TAOK1: variants seen among roughly 807,000 people sequenced by gnomAD.
TAOK1 encodes the protein serine/threonine-protein kinase TAO1.
A neutral mutation model predicts 138.3 loss-of-function variants in TAOK1; 21 were observed. The observed-to-expected ratio is 0.15, with a 90% CI of 0.11 to 0.22. TAOK1 has a LOEUF of 0.22. TAOK1 is among the 10% of genes least tolerant of loss of function. The pLI is 1.00. For synonymous variants in TAOK1, 361 were observed against 398.4 expected (o/e 0.91, Z 1.12); for missense variants, 651 against 1,227.7 (o/e 0.53, Z 7.02).
At chr17:29,406,047 A>G (rs1904981969) in intron 1 of TAOK1, among the ~76,000 whole-genome samples, 1 of 152,192 alleles carries the variant, frequency 6.6e-6, no homozygotes, top group East Asian at 1.9e-4. Flanking sequence ...GCTTGCAAGT[A>G]AATACATACA....
rs141034036 is a variant in TAOK1, at chr17:29,398,672, G to A, written c.-95+7648G>A. Among the ~76,000 whole-genome samples, 1,377 of 151,938 alleles carry A rather than the reference G, an allele frequency of 9.1e-3. 27 individuals are homozygous for A. Among genetic ancestry groups the A allele is most frequent in the African/African-American group, 0.031 (1,294 of 41,424 alleles). On this transcript the variant is annotated intron_variant, in intron 1 of 19. Coordinates refer to ENST00000261716, the MANE Select transcript of TAOK1 (RefSeq NM_020791.4). ...AGCCTCCCGGGTAGCTGGGATTATA[G>A]GCATGTGCCACCATGCCTGGCTAAT...
chr17:29,408,703 A>T (rs1334170074), intron 1 of TAOK1, among the ~76,000 whole-genome samples: 1 of 150,786 alleles, frequency 6.6e-6, no homozygotes, highest in East Asian at 2.0e-4. Context: ...CGCTGATGTG[A>T]TTTCTTTCTT....
At chr17:29,477,738 A>T in intron 5 of TAOK1, 32 bp downstream of exon 5, 1 of 1,281,584 alleles carries the variant, frequency 7.8e-7, no homozygotes, top group Non-Finnish European at 1.0e-6. Flanking sequence ...TTTAAAAAGT[A>T]TTCACAGAAT....
At chr17:29,403,173 A>T (rs1904898811) in intron 1 of TAOK1, among the ~76,000 whole-genome samples, 3 of 151,076 alleles carry the variant, frequency 2.0e-5, no homozygotes, top group African/African-American at 7.3e-5. Flanking sequence ...AAAAAAAAAA[A>T]AAAAAAAAAA....
chr17:29,472,140 T>C (rs1219969841), intron 3 of TAOK1, among the ~76,000 whole-genome samples: 7 of 152,150 alleles, frequency 4.6e-5, no homozygotes, highest in Non-Finnish European at 8.8e-5. Context: ...TGCCCTCCCA[T>C]GAGTCGGAAA....
chr17:29,442,391 T>G (rs1384711628), intron 1 of TAOK1, among the ~76,000 whole-genome samples: 2 of 146,746 alleles, frequency 1.4e-5, no homozygotes, highest in Non-Finnish European at 3.0e-5. Context: ...TTTTTTCTGT[T>G]TTTTTTTTTT....
chr17:29,515,141 G>T (rs554215233), intron 15 of TAOK1: 1 of 151,764 alleles, frequency 6.6e-6, no homozygotes, highest in South Asian at 2.1e-4. Flanking sequence ...CATTAATTTT[G>T]ATTTGTTCAG....
In TAOK1 at chr17:29,550,095, T is replaced by C. The variant is rs1322419701; in HGVS notation, c.*7073T>C. 1 of 152,226 alleles carries C rather than the reference T, an allele frequency of 6.6e-6. No individual in the cohort carries two copies. Among genetic ancestry groups the C allele is most frequent in the East Asian group, 1.9e-4 (1 of 5,202 alleles). 9.4% of individuals were successfully genotyped at this position (152,226 alleles called of 1,614,324 possible). On this transcript the variant is annotated 3_prime_UTR_variant, in exon 20 of 20. Coordinates refer to ENST00000261716, the MANE Select transcript of TAOK1 (RefSeq NM_020791.4). ...CTATTAGGAGCTGCAGGTGGTTTCA[T>C]AGGGTAAAATCCAAGAAAAGAGAAG...
intron 1 of TAOK1, among the ~76,000 whole-genome samples, chr17:29,443,880 C>T (rs149481800): frequency 2.4e-4 from 36 of 152,168 alleles, no homozygotes; most frequent in Non-Finnish European, 2.2e-4. Flanking sequence ...TTTGGGAGGC[C>T]GAAGCGGGCA....
intron 1 of TAOK1, among the ~76,000 whole-genome samples, chr17:29,444,115 A>G (rs1672419272): frequency 1.7e-5 from 1 of 57,186 alleles, no homozygotes; most frequent in Admixed American, 1.6e-4. Flanking sequence ...ACTGTCTCAG[A>G]AAAAAAAAAA....
intron 2 of TAOK1, among the ~76,000 whole-genome samples, chr17:29,458,702 G>GT (rs532510305): frequency 2.5e-4 from 38 of 150,854 alleles, no homozygotes; most frequent in East Asian, 2.1e-3. Context: ...TATTTTATTT[G>GT]TTTTTTTTGT....
intron 1 of TAOK1, among the ~76,000 whole-genome samples, chr17:29,407,739 G>T (rs961466805): frequency 3.3e-5 from 5 of 152,102 alleles, no homozygotes; most frequent in African/African-American, 9.7e-5. Context: ...GAGCCACAAT[G>T]CCCAACTGAG....
At chr17:29,542,078 C>T (rs181739219) in intron 19 of TAOK1, among the ~76,000 whole-genome samples, 1 of 152,028 alleles carries the variant, frequency 6.6e-6, no homozygotes. Context: ...AGGGTTTCAC[C>T]ATGTTAGCCA....
rs1211042430 is a variant in TAOK1, at chr17:29,495,722, G to A, written c.994G>A (p.Glu332Lys). 2 of 1,600,072 alleles carry A rather than the reference G, an allele frequency of 1.2e-6. No individual in the cohort carries two copies. The highest frequency in any genetic ancestry group is 1.7e-6 in the Non-Finnish European group (2 of 1,172,694). ...ACCAGCAGTAGAAGCACAGGAAGAA[G>A]AAGAGGTAAGAGATAAAAAAATGAC... ...NGPAVEAQEE[E>K]EEQDHGVGRT... The change falls in exon 11 of 20, where the codon GAA becomes AAA. Residue 332 changes from glutamate to lysine, a missense_variant. Physicochemically the swap from Glu to Lys is moderately conservative, Grantham distance 56. Around this residue, in one of 8 missense-constraint regions of TAOK1, gnomAD observed 104 missense variants for 151.7 expected, o/e 0.69. Transcript: ENST00000261716.
chr17:29,481,877 G>A (rs551287434), intron 7 of TAOK1, among the ~76,000 whole-genome samples: 4 of 151,980 alleles, frequency 2.6e-5, no homozygotes, highest in African/African-American at 4.8e-5. Context: ...GGAGAATGGC[G>A]TGAACCCGGG....
At chr17:29,457,554 C>T (rs1598489057) in intron 2 of TAOK1, among the ~76,000 whole-genome samples, 1 of 147,570 alleles carries the variant, frequency 6.8e-6, no homozygotes, top group Non-Finnish European at 1.5e-5. Flanking sequence ...TACAGGTGCG[C>T]ACCACCATGC....
At chr17:29,395,934 C>T (rs1316614534) in intron 1 of TAOK1, among the ~76,000 whole-genome samples, 1 of 145,824 alleles carries the variant, frequency 6.9e-6, no homozygotes, top group Admixed American at 7.2e-5. Context: ...TCCCAAAGTG[C>T]TGAGATTACA....
chr17:29,438,385 A>G (rs1011724972), intron 1 of TAOK1, among the ~76,000 whole-genome samples: 3 of 152,202 alleles, frequency 2.0e-5, no homozygotes, highest in Non-Finnish European at 4.4e-5. Context: ...GCAAATACCT[A>G]TAAAGCTATC....
chr17:29,481,580 G>C (rs749800824), intron 7 of TAOK1, among the ~76,000 whole-genome samples: 2 of 152,078 alleles, frequency 1.3e-5, no homozygotes, highest in Admixed American at 6.6e-5. Flanking sequence ...CTGCAAACTT[G>C]AGCAGATGCA....
Sources: gnomAD v4.1 joint callset for allele counts (sites outside exome capture counted in the v4.1 genomes callset) on GRCh38, gnomAD v4.1.1 for gene constraint, gnomAD v4.1.1 regional missense constraint, MANE v1.5 for transcripts, NCBI Gene and HGNC (gene_info 2026-07-23, HGNC 2026-07-21) for gene names.